Variants in HOTAIR observed in about 807,000 individuals in gnomAD.
HOTAIR encodes the protein HOX transcript antisense RNA (non-protein coding).
chr12:53,973,916 C>G lies in HOTAIR; in HGVS notation n.59+982G>C, dbSNP rs1357694910. On this transcript the variant is annotated intron_variant and non_coding_transcript_variant, in intron 1 of 6. Transcript: ENST00000424518. This position sits in a 1 kb window ranked among gnomAD's most constrained non-coding sequence, Gnocchi z 4.3. ...TGGCCAAGGAGCCGGCCAAAGGAGC[C>G]GCCCCCAGTAGGTAGCAGCGGCCGG... 6.9e-7 allele frequency: 1 copy of G among 1,441,352 alleles called. No individual in the cohort carries two copies. Among genetic ancestry groups the G allele is most frequent in the Admixed American group, 2.9e-5 (1 of 34,102 alleles). The allele number at this position is 1,441,352 out of a possible 1,614,324, so 89.3% of individuals were successfully genotyped here. A position where few individuals can be genotyped will look rare whatever the true frequency, so the allele number is the denominator to read the frequency against.
Position 53,973,802 on chromosome 12 carries a change from G to T in HOTAIR, n.59+1096C>A. On this transcript the variant is annotated intron_variant and non_coding_transcript_variant, in intron 1 of 6. Coordinates refer to ENST00000424518, the Ensembl canonical transcript of HOTAIR. The surrounding 1 kb of genome is among the most constrained non-coding windows in gnomAD (Gnocchi z 4.3). The stretch of plus-strand genomic sequence containing the variant: ...GGGAGCCCGAGGCACCCCCGGCCTC[G>T]GGACTGGCGTCCCGGGCTGAGGCGG... 6.3e-7 allele frequency: 1 copy of T among 1,577,182 alleles called. No homozygotes were observed. The highest frequency in any genetic ancestry group is 1.1e-5 in the South Asian group (1 of 87,434).
rs1316045318 is a variant in HOTAIR, at chr12:53,973,551, T to G, written n.59+1347A>C. 2 of 1,611,134 alleles carry G rather than the reference T, an allele frequency of 1.2e-6. No individual in the cohort carries two copies. The highest frequency in any genetic ancestry group is 1.7e-6 in the Non-Finnish European group (2 of 1,179,320). Reference sequence around the variant, plus strand: ...GGCCGACGAGCTTATGCACCGGGAGTGCCTGCCTCCTTCCACCGTCACCGA... The same window carrying G: ...GGCCGACGAGCTTATGCACCGGGAGGGCCTGCCTCCTTCCACCGTCACCGA... On this transcript the variant is annotated intron_variant and non_coding_transcript_variant, in intron 1 of 6. Coordinates refer to ENST00000424518, the Ensembl canonical transcript of HOTAIR. This position sits in a 1 kb window ranked among gnomAD's most constrained non-coding sequence, Gnocchi z 4.3.
At chr12:53,968,452 C>A (rs941189814) in intron 2 of HOTAIR, 1 of 152,294 alleles carries the variant, frequency 6.6e-6, no homozygotes, top group South Asian at 2.1e-4. Context: ...TGGGGCCAGG[C>A]GATAAATCTC....
At chr12:53,963,484 C>T (rs373913062) in exon 7 of HOTAIR, 2 of 152,246 alleles carry the variant, frequency 1.3e-5, no homozygotes, top group Non-Finnish European at 2.9e-5. Context: ...ATTTGAGAGA[C>T]AGTGCACTCA....
exon 7 of HOTAIR, chr12:53,962,735 T>C (rs1330872135): frequency 6.6e-6 from 1 of 152,198 alleles, no homozygotes; most frequent in Non-Finnish European, 1.5e-5. Context: ...CTTCTATTAT[T>C]TCTGTCTTTT....
At chr12:53,964,449 G>A (rs755887917) in intron 5 of HOTAIR, among the ~76,000 whole-genome samples, 2 of 152,000 alleles carry the variant, frequency 1.3e-5, no homozygotes, top group Non-Finnish European at 2.9e-5. Flanking sequence ...TGACTGAAGG[G>A]GAACAAAGAT....
intron 1 of HOTAIR, among the ~76,000 whole-genome samples, chr12:53,972,390 G>GT (rs1260992840): frequency 6.6e-6 from 1 of 152,228 alleles, no homozygotes; most frequent in African/African-American, 2.4e-5. Flanking sequence ...ATTAGAGAAG[G>GT]TTTTTCCCAG....
intron 5 of HOTAIR, among the ~76,000 whole-genome samples, chr12:53,965,494 A>C (rs886582176): frequency 6.6e-6 from 1 of 152,268 alleles, no homozygotes; most frequent in Non-Finnish European, 1.5e-5. Flanking sequence ...GGGTGGGGCA[A>C]AAGCCAGGCT....
chr12:53,966,691 C>T (rs1337517160), intron 3 of HOTAIR: 5 of 152,298 alleles, frequency 3.3e-5, no homozygotes, highest in African/African-American at 1.2e-4. Context: ...GCAGCGATCC[C>T]CGAGCGCTGA....
intron 1 of HOTAIR, among the ~76,000 whole-genome samples, chr12:53,970,945 ACTCGAGCC>A (rs1170697625): frequency 6.6e-6 from 1 of 151,736 alleles, no homozygotes; most frequent in Non-Finnish European, 1.5e-5. Context: ...GGGATCTGAG[ACTCGAGCC>A]CTCATCCACA....
At chr12:53,965,022 G>A (rs1939025500) in intron 5 of HOTAIR, among the ~76,000 whole-genome samples, 1 of 152,188 alleles carries the variant, frequency 6.6e-6, no homozygotes, top group Non-Finnish European at 1.5e-5. Context: ...AACAAGATAT[G>A]ATTAGAGTTA....
At chr12:53,967,377 G>T (rs1270538548) in exon 3 of HOTAIR, 2 of 152,230 alleles carry the variant, frequency 1.3e-5, no homozygotes, top group Admixed American at 1.3e-4. Flanking sequence ...AGGCCTCAGT[G>T]CCTGGTGCTC....
exon 7 of HOTAIR, chr12:53,964,090 T>C (rs893440759): frequency 2.0e-5 from 3 of 152,156 alleles, no homozygotes; most frequent in Non-Finnish European, 2.9e-5. Context: ...GGTTGCTTTT[T>C]CTACCAGGTC....
intron 5 of HOTAIR, among the ~76,000 whole-genome samples, chr12:53,965,709 G>T (rs1939039468): frequency 6.6e-6 from 1 of 151,838 alleles, no homozygotes; most frequent in Admixed American, 6.6e-5. Flanking sequence ...ATGAGTGAAA[G>T]AAAGGGGGCA....
At chr12:53,971,620 TGA>T (rs1939149495) in intron 1 of HOTAIR, among the ~76,000 whole-genome samples, 2 of 152,248 alleles carry the variant, frequency 1.3e-5, no homozygotes, top group African/African-American at 4.8e-5. Context: ...TGTTTTCCCC[TGA>T]GTGTGCATTG....
Position 53,973,331 on chromosome 12 carries a change from C to A in HOTAIR, n.59+1567G>T, listed in dbSNP as rs1258597523. On this transcript the variant is annotated intron_variant and non_coding_transcript_variant, in intron 1 of 6. Coordinates refer to ENST00000424518, the Ensembl canonical transcript of HOTAIR. The surrounding 1 kb of genome is among the most constrained non-coding windows in gnomAD (Gnocchi z 4.3). ...TCGGCGAGCGAGGGAGCTGCGCCTC[C>A]AACCTCTATCTGCCCAGTTGCACTT... The A allele has an allele frequency of 6.2e-7, 1 of 1,614,134 alleles. No homozygotes were observed. The highest frequency in any genetic ancestry group is 1.1e-5 in the South Asian group (1 of 91,070).
chr12:53,974,776 C>T (rs75547142), intron 1 of HOTAIR: 1,811 of 164,838 alleles, frequency 0.011, 38 homozygotes, highest in African/African-American at 0.042. Flanking sequence ...CGCCTGTTCT[C>T]AGCTTTCCCC....
intron 1 of HOTAIR, among the ~76,000 whole-genome samples, chr12:53,974,556 C>T (rs567906414): frequency 3.3e-5 from 5 of 152,232 alleles, no homozygotes; most frequent in South Asian, 4.1e-4. Flanking sequence ...GGCGAGGCGG[C>T]GCAGGACTCC....
Position 53,973,229 on chromosome 12 carries a change from G to C in HOTAIR, n.59+1669C>G. On this transcript the variant is annotated intron_variant and non_coding_transcript_variant, in intron 1 of 6. Transcript: ENST00000424518. The surrounding 1 kb of genome is among the most constrained non-coding windows in gnomAD (Gnocchi z 4.3). ...CCAAAACCTCCATCCGGAGCCGGCA[G>C]GAGAGGAGAACGATGTTTAACTCGG... is the stretch of plus-strand genomic sequence containing the variant. 6.5e-7 allele frequency: 1 copy of C among 1,549,038 alleles called. No individual in the cohort carries two copies. The highest frequency in any genetic ancestry group is 8.7e-7 in the Non-Finnish European group (1 of 1,151,844).
Sources: allele counts gnomAD v4.1 joint callset (sites outside exome capture counted in the v4.1 genomes callset), GRCh38; gene constraint gnomAD v4.1.1; non-coding constraint Gnocchi (gnomAD v3.1); transcripts MANE v1.5; gene names NCBI Gene and HGNC (gene_info 2026-07-23, HGNC 2026-07-21).